DOT1L: variants seen among roughly 807,000 people sequenced by gnomAD.
The protein encoded by DOT1L is histone-lysine N-methyltransferase, H3 lysine-79 specific.
Under a neutral mutation model 153.3 loss-of-function variants are expected in DOT1L, and 33 were observed. The ratio of observed to expected loss-of-function variants is 0.22; its 90% CI spans 0.16 to 0.29. The LOEUF (loss-of-function observed/expected upper bound fraction) is 0.29. DOT1L is among the 10% of genes least tolerant of loss of function. The pLI, the probability that DOT1L is intolerant of heterozygous loss-of-function variation, is 1.00. For synonymous variants in DOT1L, 1,135 were observed against 965.1 expected, an observed-to-expected ratio of 1.18 and a Z score of -3.26; for missense variants, 1,847 against 2,119.9, an observed-to-expected ratio of 0.87 and a Z score of 2.53.
intron 1 of DOT1L, among the ~76,000 whole-genome samples, chr19:2,175,993 G>A (rs1368226421): frequency 6.6e-6 from 1 of 152,180 alleles, no homozygotes; most frequent in Non-Finnish European, 1.5e-5. Flanking sequence ...TGGGCCCTGG[G>A]ATGATCACCC....
chr19:2,167,837 G>A (rs796272639), intron 1 of DOT1L, among the ~76,000 whole-genome samples: 5 of 151,182 alleles, frequency 3.3e-5, no homozygotes, highest in African/African-American at 1.2e-4. Flanking sequence ...CCAGGTTTCA[G>A]TGATTCTCCT....
chr19:2,219,489 T>C (rs1599609173), intron 22 of DOT1L, among the ~76,000 whole-genome samples: 1 of 152,052 alleles, frequency 6.6e-6, no homozygotes, highest in African/African-American at 2.4e-5. Flanking sequence ...GTGGATGGAG[T>C]GTGCCATCTT....
In DOT1L at chr19:2,194,527, G is replaced by A. The variant is rs770148694; in HGVS notation, c.601G>A (p.Glu201Lys). The A allele has an allele frequency of 3.1e-6, 5 of 1,613,902 alleles. No individual in the cohort carries two copies. The highest frequency in any genetic ancestry group is 3.3e-4 in the Middle Eastern group (2 of 6,060). ...PAKYAETMDR[E>K]FRKWMKWYGK... Reference sequence around the variant, plus strand: ...TCTTTCCTTCCAGACCATGGACCGCGAGTTCAGGAAGTGGATGAAATGGTA... The same window carrying A: ...TCTTTCCTTCCAGACCATGGACCGCAAGTTCAGGAAGTGGATGAAATGGTA... Residue 201 changes from glutamate (E) to lysine (K), a missense_variant, in exon 7 of 28, where the codon GAG (glutamate) becomes AAG (lysine). By Grantham distance (56) the Glu-to-Lys change is moderately conservative. Transcript: ENST00000398665.
At position 2,210,636 on chromosome 19, in the gene DOT1L, G is replaced by A. The variant is rs1488643062; in HGVS notation, c.1132G>A (p.Glu378Lys). 1.2e-6 allele frequency: 2 copies of A among 1,612,556 alleles called. No homozygotes were observed. The highest frequency in any genetic ancestry group is 2.7e-5 in the African/African-American group (2 of 74,890). Residue 378 changes from glutamate (E) to lysine (K), a missense_variant, in exon 14 of 28, where the codon GAA becomes AAA. Glu to Lys is a moderately conservative substitution (Grantham distance 56, BLOSUM62 1). Transcript: ENST00000398665. ...ADAPMDSGAE[E>K]EKAGAATVKK... ...TGTCCTCCAGGACTCTGGTGCTGAG[G>A]AAGAGAAGGCGGGAGCAGCCACCGT...
chr19:2,183,422 C>T (rs992662049), intron 2 of DOT1L, among the ~76,000 whole-genome samples: 3 of 152,194 alleles, frequency 2.0e-5, no homozygotes, highest in Non-Finnish European at 2.9e-5. Flanking sequence ...CCACCCGCCT[C>T]GGCCTCCCGA....
intron 1 of DOT1L, among the ~76,000 whole-genome samples, chr19:2,166,995 G>C (rs12611107): frequency 0.13 from 19,622 of 152,156 alleles, 2,555 homozygotes; most frequent in African/African-American, 0.33. Flanking sequence ...GCTTTCAGGC[G>C]GCCAAATCCG....
In DOT1L at chr19:2,216,624, G is replaced by C; in HGVS notation, c.2267G>C (p.Gly756Ala). Reference sequence around the variant, plus strand: ...GTGCCCTGTACCCCTAGCCACGTCGGCCGGCCGCGCCTGGAGAAGCTGTCT... The same window carrying C: ...GTGCCCTGTACCCCTAGCCACGTCGCCCGGCCGCGCCTGGAGAAGCTGTCT... Reference protein sequence around the residue: ...EVVPCTPSHVGRPRLEKLSGL... With the variant: ...EVVPCTPSHVARPRLEKLSGL... The change falls in exon 20 of 28, where the codon GGC (glycine) becomes GCC (alanine). Residue 756 changes from glycine (G) to alanine (A), a missense_variant. Gly to Ala is a moderately conservative substitution (Grantham distance 60). Coordinates refer to ENST00000398665, the MANE Select transcript of DOT1L (RefSeq NM_032482.3). The C allele has an allele frequency of 6.2e-7, 1 of 1,605,864 alleles. No homozygotes were observed. The highest frequency in any genetic ancestry group is 1.3e-5 in the African/African-American group (1 of 75,048).
At chr19:2,202,107 A>G (rs1010728272) in intron 8 of DOT1L, among the ~76,000 whole-genome samples, 3 of 152,178 alleles carry the variant, frequency 2.0e-5, no homozygotes, top group African/African-American at 7.2e-5. Flanking sequence ...AGCCTCCCTA[A>G]GTGCGGTCCT....
chr19:2,180,580 G>T (rs746888519), intron 1 of DOT1L, 133 bp from the exon 2 acceptor site: 90 of 1,051,436 alleles, frequency 8.6e-5, no homozygotes, highest in Non-Finnish European at 1.2e-4. Flanking sequence ...CCCGCTGGGT[G>T]GTGGGCTTGG....
At chr19:2,178,891 A>G (rs2022090825) in intron 1 of DOT1L, among the ~76,000 whole-genome samples, 1 of 152,220 alleles carries the variant, frequency 6.6e-6, no homozygotes, top group Non-Finnish European at 1.5e-5. Flanking sequence ...CTTAGAAGAA[A>G]GTTGCAAAGC....
chr19:2,223,549 TG>T, intron 25 of DOT1L, 63 bp downstream of exon 25: 3 of 262,836 alleles, frequency 1.1e-5, no homozygotes, highest in Non-Finnish European at 2.3e-5. Context: ...GCCTGCTCAC[TG>T]TGTGTGTGTG....
rs750164417 is a variant in DOT1L at position 2,210,854 on chromosome 19, G to A, written c.1350G>A (p.Gln450=). 1.2e-6 allele frequency: 2 copies of A among 1,611,492 alleles called. No homozygotes were observed. Among genetic ancestry groups the A allele is most frequent in the Non-Finnish European group, 8.5e-7 (1 of 1,179,206 alleles). Residue 450 remains glutamine, a splice_region_variant and synonymous_variant, in exon 14 of 28, where the codon CAG becomes CAA. Coordinates refer to ENST00000398665, the MANE Select transcript of DOT1L (RefSeq NM_032482.3). ...CTCAGACGGCGGCCTCCTCACCCCA[G>A]GGTGAGCCGCCCCCACGCCACGGCC... The part of the protein sequence containing the change: ...TVSQTAASSP[Q]DAYRSPHSPF...
chr19:2,166,107 AT>A (rs1234268264), intron 1 of DOT1L, among the ~76,000 whole-genome samples: 1 of 142,946 alleles, frequency 7.0e-6, no homozygotes, highest in Non-Finnish European at 1.5e-5. Context: ...TTATGTTGTT[AT>A]TTTTGGAGTC....
In DOT1L at chr19:2,232,237, T is replaced by G. The variant is rs2024633052; in HGVS notation, c.*2445T>G. The stretch of plus-strand genomic sequence containing the variant: ...GAACCCTAAAAACTAGGATACCCCC[T>G]CCTCGGCCCATGAGGCACGCACAGT... On this transcript the variant is annotated 3_prime_UTR_variant, in exon 28 of 28. Transcript: ENST00000398665. The G allele has an allele frequency of 4.6e-6, 1 of 218,796 alleles. No homozygotes were observed. Among genetic ancestry groups the G allele is most frequent in the Non-Finnish European group, 9.2e-6 (1 of 109,188 alleles). 13.6% of individuals were successfully genotyped at this position (218,796 alleles called of 1,614,324 possible).
intron 9 of DOT1L, among the ~76,000 whole-genome samples, chr19:2,203,356 C>T (rs2023369250): frequency 6.6e-6 from 1 of 152,166 alleles, no homozygotes; most frequent in Admixed American, 6.5e-5. Flanking sequence ...CCGCCTCGGC[C>T]CCCGCAAAGT....
chr19:2,221,947 C>T (rs756389691), intron 23 of DOT1L, 29 bp from the exon 24 acceptor site: 13 of 1,564,018 alleles, frequency 8.3e-6, no homozygotes, highest in Non-Finnish European at 8.7e-6. Flanking sequence ...ATCCTGTGTC[C>T]CCTGAGACCC....
rs1363136429 is a variant in DOT1L at position 2,214,463 on chromosome 19, C to A, written c.1798-8C>A. 6.2e-7 allele frequency: 1 copy of A among 1,612,486 alleles called. No homozygotes were observed. Among genetic ancestry groups the A allele is most frequent in the Non-Finnish European group, 8.5e-7 (1 of 1,179,648 alleles). On this transcript the variant is annotated splice_region_variant and splice_polypyrimidine_tract_variant and intron_variant, in intron 18 of 27. Coordinates refer to ENST00000398665, the MANE Select transcript of DOT1L (RefSeq NM_032482.3). ...CCAGTCGCAACTGTCCCATCCCTAT[C>A]CCCTCAGCTCAAGGCTCGCTGCGAG...
rs576168374 is a variant in DOT1L at position 2,171,612 on chromosome 19, G to A, written c.81+7347G>A. On this transcript the variant is annotated intron_variant, in intron 1 of 27. Coordinates refer to ENST00000398665, the MANE Select transcript of DOT1L (RefSeq NM_032482.3). Reference sequence around the variant, plus strand: ...TTCATCGCCTGGGGTCCCGGGCACCGACCGCCGCCGGGTGTCGCTCCGTGT... The same window carrying A: ...TTCATCGCCTGGGGTCCCGGGCACCAACCGCCGCCGGGTGTCGCTCCGTGT... Among the ~76,000 whole-genome samples, 3 of 152,282 alleles carry A rather than the reference G, an allele frequency of 2.0e-5. No homozygotes were observed. The South Asian group carries it at 6.2e-4, about 32-fold the overall frequency.
In DOT1L at chr19:2,191,366, C is replaced by A; in HGVS notation, c.493+126C>A. 1 of 942,228 alleles carries A rather than the reference C, an allele frequency of 1.1e-6. No homozygotes were observed. Among genetic ancestry groups the A allele is most frequent in the Non-Finnish European group, 1.6e-6 (1 of 614,298 alleles). 58.4% of individuals were successfully genotyped at this position (942,228 alleles called of 1,614,324 possible). On this transcript the variant is annotated intron_variant, in intron 5 of 27. Transcript: ENST00000398665. This position sits in a 1 kb window ranked among gnomAD's most constrained non-coding sequence, Gnocchi z 6.8. ...ACGTTGGCGTGGACAGTGCTTCCTT[C>A]TCCCAGCGCCTCTGTCCCGCTGTGG... is the stretch of plus-strand genomic sequence containing the variant.
Sources: gnomAD v4.1 joint callset for allele counts (sites outside exome capture counted in the v4.1 genomes callset) on GRCh38, gnomAD v4.1.1 for gene constraint, Gnocchi (gnomAD v3.1) non-coding constraint, MANE v1.5 for transcripts, NCBI Gene and HGNC (gene_info 2026-07-23, HGNC 2026-07-21) for gene names.